The following FANCL variants were observed in gnomAD, a reference collection of about 807,000 sequenced individuals.
FANCL encodes FA complementation group L.
Under a neutral mutation model 59.4 loss-of-function variants are expected in FANCL, and 69 were observed. That is an observed-to-expected ratio of 1.16 (90% CI 0.96 to 1.42). The LOEUF (loss-of-function observed/expected upper bound fraction) is 1.42, where lower values mean the gene tolerates loss of function less well. Among genes scored for constraint, FANCL ranks in the 40% most tolerant of loss-of-function variants. The pLI is 0.00. For missense variants in FANCL, 519 were observed against 447.2 expected (o/e 1.16, Z -1.45); for synonymous variants, 180 against 147.1 (o/e 1.22, Z -1.62).
chr2:58,205,394 AAATAAC>A (rs1357908074), intron 5 of FANCL, among the ~76,000 whole-genome samples: 1 of 152,078 alleles, frequency 6.6e-6, no homozygotes, highest in African/African-American at 2.4e-5. Flanking sequence ...ATACACATAA[AAATAAC>A]AATGACTATA....
rs1684935811 is a variant in FANCL, at chr2:58,160,289, C to T, written c.1021-110G>A. The T allele has an allele frequency of 2.6e-6, 3 of 1,152,918 alleles. No homozygotes were observed. The African/African-American group carries it at 4.6e-5, about 18-fold the overall frequency. 71.4% of individuals were successfully genotyped at this position (1,152,918 alleles called of 1,614,324 possible). On this transcript the variant is annotated intron_variant, in intron 12 of 13. Coordinates refer to ENST00000233741, the MANE Select transcript of FANCL (RefSeq NM_018062.4). ...TGCATTATGTTTTTATTCCAGAAGA[C>T]TTAGCTTAATTTTGTTTTGCAAGAG...
At chr2:58,217,148 T>G (rs1370595700) in intron 5 of FANCL, among the ~76,000 whole-genome samples, 1 of 89,456 alleles carries the variant, frequency 1.1e-5, no homozygotes, top group Non-Finnish European at 2.5e-5. Flanking sequence ...TATAGATTTA[T>G]ATATATATTT....
intron 5 of FANCL, among the ~76,000 whole-genome samples, chr2:58,217,351 G>T (rs1310037104): frequency 6.7e-6 from 1 of 150,222 alleles, no homozygotes; most frequent in Non-Finnish European, 1.5e-5. Flanking sequence ...GCAAAGATGT[G>T]CTCCCTCTGG....
intron 7 of FANCL, among the ~76,000 whole-genome samples, chr2:58,179,256 T>C (rs1205682872): frequency 6.6e-6 from 1 of 151,798 alleles, no homozygotes; most frequent in African/African-American, 2.4e-5. Context: ...ATGGAACCAA[T>C]AAAGAGCCCA....
intron 11 of FANCL, among the ~76,000 whole-genome samples, chr2:58,162,102 GTATT>G (rs1197124552): frequency 6.6e-6 from 1 of 151,844 alleles, no homozygotes; most frequent in Non-Finnish European, 1.5e-5. Flanking sequence ...GTCCCTGATA[GTATT>G]TAAAGAAAGG....
At chr2:58,184,541 C>G (rs1019030793) in intron 7 of FANCL, among the ~76,000 whole-genome samples, 2 of 151,928 alleles carry the variant, frequency 1.3e-5, no homozygotes, top group Non-Finnish European at 2.9e-5. Flanking sequence ...ATCTGCTAAT[C>G]AAAGCAAAAT....
chr2:58,217,203 TATATATATATATACACACAC>T (rs1206854815), intron 5 of FANCL, among the ~76,000 whole-genome samples: 344 of 8,676 alleles, frequency 0.04, 15 homozygotes, highest in African/African-American at 0.058. Flanking sequence ...TATATATATA[TATATATATATATACACACAC>T]ACACACACAC....
intron 7 of FANCL, among the ~76,000 whole-genome samples, chr2:58,174,866 G>T (rs890709468): frequency 2.6e-5 from 4 of 152,080 alleles, no homozygotes; most frequent in Non-Finnish European, 5.9e-5. Context: ...TTTCTGAAAG[G>T]ATCAACAAAA....
At chr2:58,240,692 C>T (rs1694442481) in intron 1 of FANCL, among the ~76,000 whole-genome samples, 1 of 152,252 alleles carries the variant, frequency 6.6e-6, no homozygotes. Flanking sequence ...TAATTAATTC[C>T]ATTGCTGTCA....
In FANCL at chr2:58,159,331, T is replaced by G. The variant is rs1395685917; in HGVS notation, c.*434A>C. 6.4e-7 allele frequency: 1 copy of G among 1,564,942 alleles called. No homozygotes were observed. The highest frequency in any genetic ancestry group is 8.7e-7 in the Non-Finnish European group (1 of 1,154,616). ...CTCACGTCTAACAAACTAAACTATATATGTATTTTTTCCATAGGAAAGCAC... is the reference window on the plus strand; with the variant it reads ...CTCACGTCTAACAAACTAAACTATAGATGTATTTTTTCCATAGGAAAGCAC... On this transcript the variant is annotated 3_prime_UTR_variant, in exon 14 of 14. Transcript: ENST00000233741.
intron 6 of FANCL, among the ~76,000 whole-genome samples, chr2:58,200,150 GT>G (rs1301535538): frequency 1.3e-5 from 2 of 151,382 alleles, no homozygotes; most frequent in Non-Finnish European, 1.5e-5. Flanking sequence ...AAAAGAGGAA[GT>G]TCTATTTCAG....
chr2:58,225,441 A>G (rs1692908818), intron 4 of FANCL, among the ~76,000 whole-genome samples: 1 of 152,008 alleles, frequency 6.6e-6, no homozygotes, highest in African/African-American at 2.4e-5. Context: ...TAAAATTACC[A>G]TTTGTAAATC....
intron 3 of FANCL, among the ~76,000 whole-genome samples, chr2:58,228,400 C>T (rs1294173915): frequency 2.6e-5 from 4 of 152,174 alleles, no homozygotes; most frequent in Non-Finnish European, 5.9e-5. Context: ...TTGACTATCC[C>T]TTCTTCTACA....
chr2:58,170,386 G>A (rs189629843), intron 7 of FANCL, among the ~76,000 whole-genome samples: 11 of 152,238 alleles, frequency 7.2e-5, no homozygotes, highest in Admixed American at 3.3e-4. Flanking sequence ...CCTGAAGGAC[G>A]CGTGAAATAT....
At chr2:58,217,882 C>T (rs1184672013) in intron 5 of FANCL, among the ~76,000 whole-genome samples, 1 of 151,774 alleles carries the variant, frequency 6.6e-6, no homozygotes, top group Non-Finnish European at 1.5e-5. Context: ...GCACTGTACC[C>T]AACAAGAGAT....
chr2:58,232,177 C>G, intron 1 of FANCL, 65 bp from the exon 2 acceptor site: 3 of 1,286,226 alleles, frequency 2.3e-6, no homozygotes, highest in South Asian at 1.2e-5. Context: ...AGAAGTTAAA[C>G]AGAATCACAA....
chr2:58,170,588 TGAAGACCC>T (rs1686481719), intron 7 of FANCL, among the ~76,000 whole-genome samples: 1 of 151,200 alleles, frequency 6.6e-6, no homozygotes, highest in South Asian at 2.1e-4. Flanking sequence ...GGATAAACAG[TGAAGACCC>T]ACTGCTATGC....
chr2:58,240,505 C>G (rs1371455389), intron 1 of FANCL, among the ~76,000 whole-genome samples: 3 of 152,154 alleles, frequency 2.0e-5, no homozygotes, highest in Non-Finnish European at 4.4e-5. Context: ...GTTTCCCATA[C>G]CTTGATTTCT....
chr2:58,177,660 T>G (rs1687484605), intron 7 of FANCL, among the ~76,000 whole-genome samples: 2 of 146,618 alleles, frequency 1.4e-5, no homozygotes, highest in East Asian at 2.1e-4. Context: ...AGGGATAGCT[T>G]TAGGAGATAT....
Sources: gnomAD v4.1 joint callset for allele counts (sites outside exome capture counted in the v4.1 genomes callset) on GRCh38, gnomAD v4.1.1 for gene constraint, MANE v1.5 for transcripts, NCBI Gene and HGNC (gene_info 2026-07-23, HGNC 2026-07-21) for gene names.